The following ELOVL7 variants were observed in gnomAD, a reference collection of about 807,000 sequenced individuals.
ELOVL7 encodes ELOVL fatty acid elongase 7, also known as very long chain fatty acid elongase 7.
Under a neutral mutation model 35.7 loss-of-function variants are expected in ELOVL7, and 27 were observed. That is an observed-to-expected ratio of 0.76 (90% CI 0.56 to 1.04). ELOVL7 has a LOEUF of 1.04. Ranked by LOEUF, ELOVL7 falls within the 50% of genes least tolerant of loss-of-function variation. The pLI, the probability that ELOVL7 is intolerant of heterozygous loss-of-function variation, is 0.00. For synonymous variants in ELOVL7, 113 were observed against 114.6 expected, an observed-to-expected ratio of 0.99 and a Z score of 0.09; for missense variants, 327 against 340.8, an observed-to-expected ratio of 0.96 and a Z score of 0.32.
chr5:60,805,629 T>C (rs906219240), intron 1 of ELOVL7, among the ~76,000 whole-genome samples: 6 of 152,146 alleles, frequency 3.9e-5, no homozygotes, highest in Non-Finnish European at 7.4e-5. Flanking sequence ...ATTGCATCTA[T>C]TGGGAAGGAT....
intron 1 of ELOVL7, among the ~76,000 whole-genome samples, chr5:60,837,367 G>A (rs1746889427): frequency 6.7e-6 from 1 of 148,914 alleles, no homozygotes; most frequent in African/African-American, 2.5e-5. Flanking sequence ...TGAACCAGGA[G>A]AATTGCTTGA....
At chr5:60,842,643 A>G (rs1747244934) in intron 1 of ELOVL7, among the ~76,000 whole-genome samples, 1 of 152,194 alleles carries the variant, frequency 6.6e-6, no homozygotes, top group Admixed American at 6.5e-5. Context: ...AAGGACGAGC[A>G]AACGAACTCT....
intron 1 of ELOVL7, among the ~76,000 whole-genome samples, chr5:60,827,469 T>C (rs1746237259): frequency 6.6e-6 from 1 of 152,214 alleles, no homozygotes; most frequent in African/African-American, 2.4e-5. Flanking sequence ...CAAATATCTT[T>C]CTAGGTAAAC....
At chr5:60,802,537 TTAATC>T (rs1191751704) in intron 1 of ELOVL7, 2 of 152,154 alleles carry the variant, frequency 1.3e-5, no homozygotes, top group African/African-American at 4.8e-5. Context: ...CTGGAAAAGA[TTAATC>T]TAGGATTTCA....
Position 60,814,495 on chromosome 5 carries a change from G to A in ELOVL7, c.-85-15265C>T, listed in dbSNP as rs188115426. Among the ~76,000 whole-genome samples, 4 of 152,302 alleles carry A rather than the reference G, an allele frequency of 2.6e-5. No individual in the cohort carries two copies. The East Asian group carries it at 7.7e-4, about 29-fold the overall frequency. ...TTCTTGAGGCAAGGGAGTATAGTGA[G>A]TTGCTACCCAAGTTATCCAAGAGAA... On this transcript the variant is annotated intron_variant, in intron 1 of 8. Coordinates refer to ENST00000508821, the MANE Select transcript of ELOVL7 (RefSeq NM_024930.3).
intron 3 of ELOVL7, among the ~76,000 whole-genome samples, chr5:60,772,816 A>G (rs1742678511): frequency 6.6e-6 from 1 of 152,168 alleles, no homozygotes; most frequent in Non-Finnish European, 1.5e-5. Context: ...GTCATTATTA[A>G]TATCTTGGAG....
chr5:60,819,873 G>A (rs1745786359), intron 1 of ELOVL7, among the ~76,000 whole-genome samples: 1 of 152,164 alleles, frequency 6.6e-6, no homozygotes, highest in Non-Finnish European at 1.5e-5. Context: ...ACAAAATGAT[G>A]CTCTCCCCTC....
At chr5:60,780,161 C>T (rs1439938477) in intron 3 of ELOVL7, among the ~76,000 whole-genome samples, 1 of 147,848 alleles carries the variant, frequency 6.8e-6, no homozygotes, top group East Asian at 2.0e-4. Context: ...TTCTTGTTGC[C>T]CAGGCTGGAG....
At chr5:60,790,750 T>A (rs1743889546) in intron 2 of ELOVL7, among the ~76,000 whole-genome samples, 1 of 152,176 alleles carries the variant, frequency 6.6e-6, no homozygotes, top group Admixed American at 6.5e-5. Context: ...TTAATAGCTG[T>A]GTGACTCCAG....
chr5:60,830,457 A>C (rs1034763420), intron 1 of ELOVL7, among the ~76,000 whole-genome samples: 4 of 152,212 alleles, frequency 2.6e-5, no homozygotes, highest in Admixed American at 6.5e-5. Flanking sequence ...CCTGAAGGAT[A>C]ACAGCAGAGG....
chr5:60,792,075 C>T (rs910086143), intron 2 of ELOVL7, among the ~76,000 whole-genome samples: 14 of 151,636 alleles, frequency 9.2e-5, no homozygotes, highest in South Asian at 4.2e-4. Flanking sequence ...AAGACTGAGA[C>T]GAAGGAAGGA....
chr5:60,776,638 A>G (rs1048956706), intron 3 of ELOVL7, among the ~76,000 whole-genome samples: 1 of 152,332 alleles, frequency 6.6e-6, no homozygotes, highest in African/African-American at 2.4e-5. Context: ...CAAATGCTAC[A>G]TGTTCTCACT....
At chr5:60,778,461 A>C (rs1239889484) in intron 3 of ELOVL7, among the ~76,000 whole-genome samples, 1 of 152,214 alleles carries the variant, frequency 6.6e-6, no homozygotes, top group Non-Finnish European at 1.5e-5. Context: ...GGGAGACGTC[A>C]GGAAACTTAC....
chr5:60,829,615 T>C (rs188114227), intron 1 of ELOVL7, among the ~76,000 whole-genome samples: 182 of 152,228 alleles, frequency 1.2e-3, no homozygotes, highest in African/African-American at 4.1e-3. Context: ...TGAGTTTCGA[T>C]TGTCACAGGA....
rs1034582107 is a variant in ELOVL7 at position 60,787,350 on chromosome 5, A to G, written c.48T>C (p.Asn16=). Residue 16 remains asparagine (N), a synonymous_variant, in exon 3 of 9, where the codon AAT becomes AAC. Coordinates refer to ENST00000508821, the MANE Select transcript of ELOVL7 (RefSeq NM_024930.3). ...GTTACTCACCAGCATCTTTGATCCA[A>G]TTATCATAAAGATGCACAGTCCTCG... ...LTSRTVHLYD[N]WIKDADPRVE... 1.9e-6 allele frequency: 3 copies of G among 1,602,570 alleles called. No homozygotes were observed. The highest frequency in any genetic ancestry group is 1.3e-5 in the African/African-American group (1 of 74,328).
chr5:60,789,514 A>G (rs540641618), intron 2 of ELOVL7, among the ~76,000 whole-genome samples: 1 of 152,306 alleles, frequency 6.6e-6, no homozygotes, highest in Admixed American at 6.5e-5. Context: ...ATGCATTACT[A>G]GTGGAAGTAC....
Position 60,754,821 on chromosome 5 carries a change from T to C in ELOVL7, c.649A>G (p.Ile217Val). 2 of 1,613,812 alleles carry C rather than the reference T, an allele frequency of 1.2e-6. No individual in the cohort carries two copies. Among genetic ancestry groups the C allele is most frequent in the Non-Finnish European group, 8.5e-7 (1 of 1,179,894 alleles). The change falls in exon 9 of 9, where the codon ATT becomes GTT. Residue 217 changes from isoleucine to valine, a missense_variant. Coordinates refer to ENST00000508821, the MANE Select transcript of ELOVL7 (RefSeq NM_024930.3). The stretch of plus-strand genomic sequence containing the variant: ...AACTGGCTTATGTGGATGGCGACAA[T>C]AACAAACTGGACCTAAGAAATGAAA... Reference protein sequence around the residue: ...LTSLQLVQFVIVAIHISQFFF... With the variant: ...LTSLQLVQFVVVAIHISQFFF...
chr5:60,769,214 A>T (rs1237502471), intron 4 of ELOVL7, among the ~76,000 whole-genome samples: 2 of 152,236 alleles, frequency 1.3e-5, no homozygotes, highest in Non-Finnish European at 2.9e-5. Context: ...AGGGCACGTG[A>T]CATAGAAATG....
intron 1 of ELOVL7, among the ~76,000 whole-genome samples, chr5:60,800,872 T>A (rs1190838669): frequency 6.6e-6 from 1 of 152,218 alleles, no homozygotes; most frequent in African/African-American, 2.4e-5. Flanking sequence ...TCCTCAGTTA[T>A]GGAAGGTCAA....
Sources: gnomAD v4.1 joint callset for allele counts (sites outside exome capture counted in the v4.1 genomes callset) on GRCh38, gnomAD v4.1.1 for gene constraint, MANE v1.5 for transcripts, NCBI Gene and HGNC (gene_info 2026-07-23, HGNC 2026-07-21) for gene names.